Variants in COL28A1 observed in about 807,000 individuals in gnomAD.
The protein encoded by COL28A1 is collagen alpha-1(XXVIII) chain.
A neutral mutation model predicts 150.2 loss-of-function variants in COL28A1; 161 were observed. The ratio of observed to expected loss-of-function variants is 1.07; its 90% confidence interval spans 0.94 to 1.22. The LOEUF (loss-of-function observed/expected upper bound fraction) is 1.22. Ranked by LOEUF, COL28A1 falls within the 50% of genes most tolerant of loss-of-function variation. The pLI, the probability that COL28A1 is intolerant of heterozygous loss-of-function variation, is 0.00. For synonymous variants in COL28A1, 552 were observed against 469.7 expected, an observed-to-expected ratio of 1.18 and a Z score of -2.26; for missense variants, 1,617 against 1,388.3, an observed-to-expected ratio of 1.16 and a Z score of -2.62.
rs1411494530 is a variant in COL28A1, at chr7:7,373,461, C to G, written c.2445G>C (p.Gln815His). 6.2e-7 allele frequency: 1 copy of G among 1,613,982 alleles called. No homozygotes were observed. The highest frequency in any genetic ancestry group is 8.5e-7 in the Non-Finnish European group (1 of 1,180,024). The change falls in exon 32 of 35, where the codon CAG becomes CAC. Residue 815 changes from glutamine (Q) to histidine (H), a missense_variant. By Grantham distance (24) the Gln-to-His change is conservative (BLOSUM62 0). Coordinates refer to ENST00000399429, the MANE Select transcript of COL28A1 (RefSeq NM_001037763.3). The surrounding 1 kb of genome is among the most constrained non-coding windows in gnomAD (Gnocchi z 4.1). ...SSESVGPENF[Q>H]IIKNFVKTMA... ...TAGTCTTCACAAAATTTTTAATGATCTGAAAGTTCTCTGGCCCCACGCTTT... is the reference window on the plus strand; with the variant it reads ...TAGTCTTCACAAAATTTTTAATGATGTGAAAGTTCTCTGGCCCCACGCTTT...
intron 33 of COL28A1, among the ~76,000 whole-genome samples, chr7:7,370,470 G>A (rs1781167048): frequency 6.6e-6 from 1 of 152,030 alleles, no homozygotes; most frequent in African/African-American, 2.4e-5. Flanking sequence ...GGTAATAGGA[G>A]TATAATATAA....
chr7:7,515,919 AC>A, intron 7 of COL28A1, 79 bp from the exon 8 acceptor site: 1 of 761,166 alleles, frequency 1.3e-6, no homozygotes, highest in East Asian at 2.5e-5. Flanking sequence ...TTTTTCAATT[AC>A]AAGGTATAAC....
chr7:7,492,306 GCTCAT>G (rs1233394155), intron 11 of COL28A1, among the ~76,000 whole-genome samples: 1 of 151,972 alleles, frequency 6.6e-6, no homozygotes, highest in Non-Finnish European at 1.5e-5. Context: ...CGATGTGGTG[GCTCAT>G]GCCTGTAATC....
At chr7:7,462,009 T>C (rs543433730) in intron 15 of COL28A1, among the ~76,000 whole-genome samples, 15 of 152,248 alleles carry the variant, frequency 9.9e-5, no homozygotes, top group African/African-American at 3.6e-4. Flanking sequence ...GAGCAGGCGC[T>C]GGTATCCATG....
chr7:7,436,279 T>C, intron 23 of COL28A1, 116 bp downstream of exon 23: 2 of 727,040 alleles, frequency 2.8e-6, no homozygotes, highest in Admixed American at 2.3e-5. Flanking sequence ...GCTATATTCT[T>C]ACATTTTAGT....
At chr7:7,529,965 TG>T (rs1782256048) in intron 3 of COL28A1, among the ~76,000 whole-genome samples, 1 of 150,540 alleles carries the variant, frequency 6.6e-6, no homozygotes, top group Non-Finnish European at 1.5e-5. Flanking sequence ...GCTCTATCTC[TG>T]ATCTAGGCAT....
chr7:7,510,630 G>C (rs1411502584), intron 9 of COL28A1, among the ~76,000 whole-genome samples: 1 of 152,078 alleles, frequency 6.6e-6, no homozygotes, highest in African/African-American at 2.4e-5. Flanking sequence ...CCAATTGTTT[G>C]TGTCTACATT....
In COL28A1 at chr7:7,474,589, AT is replaced by A; in HGVS notation, c.1302+11del. On this transcript the variant is annotated intron_variant, in intron 15 of 34. Coordinates refer to ENST00000399429, the MANE Select transcript of COL28A1 (RefSeq NM_001037763.3). ...TGGCATTGTTTCCAGTGTACACCCT[AT>A]TATACAGTACCTTCTCCCCTTTGAT... 9.6e-7 allele frequency: 1 copy of A among 1,040,972 alleles called. No homozygotes were observed. Among genetic ancestry groups the A allele is most frequent in the Non-Finnish European group, 1.5e-6 (1 of 657,140 alleles). The allele number at this position is 1,040,972 out of a possible 1,614,324, so 64.5% of individuals were successfully genotyped here.
rs116463409 is a variant in COL28A1, at chr7:7,398,521, T to C, written c.2137-16909A>G. On this transcript the variant is annotated intron_variant, in intron 27 of 34. Coordinates refer to ENST00000399429, the MANE Select transcript of COL28A1 (RefSeq NM_001037763.3). Reference sequence around the variant, plus strand: ...CAATTCACAGAATTTAGTCCTGTTTTCTGACAATGAAATTGTTCTTAGTTT... The same window carrying C: ...CAATTCACAGAATTTAGTCCTGTTTCCTGACAATGAAATTGTTCTTAGTTT... 8.0e-3 allele frequency among the ~76,000 whole-genome samples: 1,221 copies of C among 152,338 alleles called. 23 individuals are homozygous for C. Among genetic ancestry groups the C allele is most frequent in the African/African-American group, 0.028 (1,169 of 41,580 alleles).
At chr7:7,523,594 T>G (rs1781862222) in intron 4 of COL28A1, among the ~76,000 whole-genome samples, 2 of 152,198 alleles carry the variant, frequency 1.3e-5, no homozygotes, top group Admixed American at 1.3e-4. Flanking sequence ...TTCCTGATGT[T>G]AAATAAGCAG....
intron 8 of COL28A1, 36 bp from the exon 9 acceptor site, chr7:7,511,171 C>A: frequency 1.3e-6 from 2 of 1,497,202 alleles, no homozygotes; most frequent in Non-Finnish European, 1.9e-6. Flanking sequence ...TAAGAGAACA[C>A]TTGCAGTCAT....
In COL28A1 at chr7:7,358,509, C is replaced by A; in HGVS notation, c.*124G>T. 2 of 880,086 alleles carry A rather than the reference C, an allele frequency of 2.3e-6. No homozygotes were observed. Among genetic ancestry groups the A allele is most frequent in the Non-Finnish European group, 1.8e-6 (1 of 563,308 alleles). The allele number at this position is 880,086 out of a possible 1,614,324, so 54.5% of individuals were successfully genotyped here. On this transcript the variant is annotated 3_prime_UTR_variant, in exon 35 of 35. Transcript: ENST00000399429. ...ACATCCTAGGGCTGTAGTGAGAATT[C>A]AATTACATGTATAAGTTGTAAATAC...
At chr7:7,424,211 C>T (rs765269085) in intron 25 of COL28A1, among the ~76,000 whole-genome samples, 1 of 152,076 alleles carries the variant, frequency 6.6e-6, no homozygotes, top group Non-Finnish European at 1.5e-5. Context: ...TGTATATGTA[C>T]CATACTTTGA....
At chr7:7,506,962 G>T (rs1780842539) in intron 10 of COL28A1, among the ~76,000 whole-genome samples, 155 bp downstream of exon 10, 1 of 152,074 alleles carries the variant, frequency 6.6e-6, no homozygotes, top group African/African-American at 2.4e-5. Context: ...ATTGCACATT[G>T]TAATCTTCTG....
chr7:7,349,649 A>G, the COL28A1 span, among the ~76,000 whole-genome samples: 1 of 152,028 alleles, frequency 6.6e-6, no homozygotes, highest in Non-Finnish European at 1.5e-5. Flanking sequence ...AAACTCTCTC[A>G]AAGCAGTAAG....
At chr7:7,482,050 G>A (rs1342580631) in intron 13 of COL28A1, among the ~76,000 whole-genome samples, 8 of 152,092 alleles carry the variant, frequency 5.3e-5, no homozygotes, top group Admixed American at 3.9e-4. Context: ...AGTAGGTCTC[G>A]GAGCTAGAAT....
chr7:7,406,069 G>T (rs1046457055), intron 27 of COL28A1, among the ~76,000 whole-genome samples: 1 of 152,014 alleles, frequency 6.6e-6, no homozygotes, highest in African/African-American at 2.4e-5. Context: ...GATCACAAAG[G>T]TATCAATTTA....
At chr7:7,346,961 T>C in the COL28A1 span, among the ~76,000 whole-genome samples, 4 of 152,238 alleles carry the variant, frequency 2.6e-5, no homozygotes, top group South Asian at 8.3e-4. Context: ...AAAGCTTTAT[T>C]ATCTTAAGAT....
chr7:7,391,191 G>A (rs1782521209), intron 27 of COL28A1, among the ~76,000 whole-genome samples: 1 of 151,966 alleles, frequency 6.6e-6, no homozygotes, highest in African/African-American at 2.4e-5. Context: ...TGTTCTCCTT[G>A]GTTTCAAAGA....
Sources: allele counts gnomAD v4.1 joint callset (sites outside exome capture counted in the v4.1 genomes callset), GRCh38; gene constraint gnomAD v4.1.1; non-coding constraint Gnocchi (gnomAD v3.1); transcripts MANE v1.5; gene names NCBI Gene and HGNC (gene_info 2026-07-23, HGNC 2026-07-21).